BBS4: variants seen among roughly 807,000 people sequenced by gnomAD.
The protein encoded by BBS4 is Bardet-Biedl syndrome 4.
BBS4 carries 58 observed loss-of-function variants against 71.4 expected under a neutral mutation model. The ratio of observed to expected loss-of-function variants is 0.81; its 90% confidence interval spans 0.66 to 1.01. The LOEUF is 1.01. Among genes scored for constraint, BBS4 ranks in the 50% least tolerant of loss-of-function variants. The pLI is 0.00. For missense variants in BBS4, 660 were observed against 607.9 expected (o/e 1.09, Z -0.90); for synonymous variants, 228 against 216.8 (o/e 1.05, Z -0.46).
intron 5 of BBS4, 90 bp downstream of exon 5, chr15:72,715,492 T>A: frequency 1.1e-6 from 1 of 880,268 alleles, no homozygotes; most frequent in Admixed American, 1.7e-5. Flanking sequence ...GGCAGCTGCA[T>A]CAGCCTGATA....
chr15:72,706,288 C>T (rs1225251346), intron 2 of BBS4, among the ~76,000 whole-genome samples: 1 of 152,082 alleles, frequency 6.6e-6, no homozygotes, highest in East Asian at 1.9e-4. Flanking sequence ...AGGTGCCCGC[C>T]ACCACTCCCG....
intron 2 of BBS4, among the ~76,000 whole-genome samples, chr15:72,700,058 G>A (rs2065142933): frequency 6.6e-6 from 1 of 152,126 alleles, no homozygotes; most frequent in South Asian, 2.1e-4. Context: ...TTCAGCTTCA[G>A]CCTCCTGAGT....
At chr15:72,701,788 T>A (rs1303300559) in intron 2 of BBS4, among the ~76,000 whole-genome samples, 1 of 152,138 alleles carries the variant, frequency 6.6e-6, no homozygotes, top group Non-Finnish European at 1.5e-5. Flanking sequence ...GTCTTCCTAC[T>A]TTGATATATG....
chr15:72,734,476 T>C (rs575219231), intron 12 of BBS4, among the ~76,000 whole-genome samples: 54 of 152,282 alleles, frequency 3.5e-4, no homozygotes, highest in African/African-American at 1.2e-3. Flanking sequence ...GGAAAGATAT[T>C]CTGGGGTCAG....
chr15:72,735,999 G>C (rs1305810102), intron 14 of BBS4, 33 bp downstream of exon 14: 1 of 1,613,162 alleles, frequency 6.2e-7, no homozygotes, highest in Non-Finnish European at 8.5e-7. Flanking sequence ...AGAGTCATAA[G>C]TAAGCTCTCA....
intron 8 of BBS4, among the ~76,000 whole-genome samples, chr15:72,725,057 TAGAGAGAG>T (rs71137311): frequency 1.6e-5 from 2 of 127,592 alleles, no homozygotes; most frequent in African/African-American, 6.0e-5. Flanking sequence ...TATATATATA[TAGAGAGAG>T]AGAGAGAGAG....
intron 6 of BBS4, 183 bp downstream of exon 6, chr15:72,717,033 T>C (rs1039824630): frequency 2.1e-5 from 13 of 608,090 alleles, no homozygotes; most frequent in Non-Finnish European, 3.5e-5. Flanking sequence ...TTTGCAGGCA[T>C]TGCTGCATGA....
chr15:72,737,118 T>A (rs537429084), intron 15 of BBS4, 155 bp downstream of exon 15: 31 of 926,018 alleles, frequency 3.3e-5, no homozygotes, highest in South Asian at 3.3e-4. Flanking sequence ...GTGGCTAAAT[T>A]GGCACTTGTT....
At chr15:72,721,724 A>T (rs1413416327) in intron 6 of BBS4, among the ~76,000 whole-genome samples, 1 of 152,182 alleles carries the variant, frequency 6.6e-6, no homozygotes, top group African/African-American at 2.4e-5. Context: ...GTTATCTCTG[A>T]GCCTGGGGGT....
chr15:72,725,107 G>A (rs1215966592), intron 8 of BBS4, among the ~76,000 whole-genome samples: 1 of 150,496 alleles, frequency 6.6e-6, no homozygotes, highest in Non-Finnish European at 1.5e-5. Context: ...CCATCACTCA[G>A]GCTGGAGTGC....
At chr15:72,688,345 T>C (rs1321177337) in intron 1 of BBS4, among the ~76,000 whole-genome samples, 2 of 151,744 alleles carry the variant, frequency 1.3e-5, no homozygotes, top group Non-Finnish European at 2.9e-5. Flanking sequence ...ATAGTAATTT[T>C]CATCTTTTCA....
At chr15:72,699,290 G>T (rs1273368746) in intron 2 of BBS4, among the ~76,000 whole-genome samples, 1 of 152,034 alleles carries the variant, frequency 6.6e-6, no homozygotes, top group Non-Finnish European at 1.5e-5. Flanking sequence ...GTTTCACTAT[G>T]TTGGCCAGAC....
intron 1 of BBS4, among the ~76,000 whole-genome samples, chr15:72,687,447 T>C (rs2150986039): frequency 6.8e-6 from 1 of 147,720 alleles, no homozygotes; most frequent in African/African-American, 2.5e-5. Context: ...CTACTAAAAA[T>C]ACAAAAATTA....
chr15:72,718,509 T>G (rs2065507066), intron 6 of BBS4, among the ~76,000 whole-genome samples: 1 of 152,226 alleles, frequency 6.6e-6, no homozygotes, highest in South Asian at 2.1e-4. Flanking sequence ...TCCTTTGCAG[T>G]TCTTACGGGG....
At chr15:72,723,968 C>T (rs926782975) in intron 7 of BBS4, among the ~76,000 whole-genome samples, 1 of 152,180 alleles carries the variant, frequency 6.6e-6, no homozygotes, top group African/African-American at 2.4e-5. Context: ...CTTGTTGAAT[C>T]TGTGAATGAC....
rs763224665 is a variant in BBS4 at position 72,722,808 on chromosome 15, C to T, written c.420C>T (p.Asn140=). 1.2e-6 allele frequency: 2 copies of T among 1,613,646 alleles called. No individual in the cohort carries two copies. Among genetic ancestry groups the T allele is most frequent in the East Asian group, 4.5e-5 (2 of 44,832 alleles). Residue 140 remains asparagine, a synonymous_variant, in exon 7 of 16, where the codon AAC becomes AAT. Transcript: ENST00000268057. ...TATGAGCCTAGGAGATCAGCCATAACCTAGGAGTTTGCTACATATACCTGA... is the reference window on the plus strand; with the variant it reads ...TATGAGCCTAGGAGATCAGCCATAATCTAGGAGTTTGCTACATATACCTGA... The part of the protein sequence containing the change: ...LNQKDWEISH[N]LGVCYIYLKQ...
intron 3 of BBS4, among the ~76,000 whole-genome samples, chr15:72,710,604 A>G (rs150259372): frequency 1.7e-3 from 259 of 152,242 alleles, no homozygotes; most frequent in Non-Finnish European, 3.0e-3. Context: ...GTGACATACC[A>G]TATGTGTTAC....
In BBS4 at chr15:72,697,652, A is replaced by G. The variant is rs368022917; in HGVS notation, c.76+2424A>G. The stretch of plus-strand genomic sequence containing the variant: ...TGGTAAGTGCATAAAGAATTCACAC[A>G]GAAGTTGGATTAGCAAGCTGAGAGA... On this transcript the variant is annotated intron_variant, in intron 2 of 15. Transcript: ENST00000268057. Among the ~76,000 whole-genome samples the G allele has an allele frequency of 6.6e-5, 10 of 152,360 alleles. No homozygotes were observed. The East Asian group carries it at 1.9e-3, about 29-fold the overall frequency.
intron 13 of BBS4, 141 bp from the exon 14 acceptor site, chr15:72,735,684 A>G: frequency 9.5e-7 from 1 of 1,053,308 alleles, no homozygotes; most frequent in Non-Finnish European, 1.5e-6. Context: ...AGGTCTGCTT[A>G]GCACGTATGT....
Sources: allele counts gnomAD v4.1 joint callset (sites outside exome capture counted in the v4.1 genomes callset), GRCh38; gene constraint gnomAD v4.1.1; transcripts MANE v1.5; gene names NCBI Gene and HGNC (gene_info 2026-07-23, HGNC 2026-07-21).